The following SNTB1 variants were observed in gnomAD, a reference collection of about 807,000 sequenced individuals.
The protein encoded by SNTB1 is beta-1-syntrophin.
Under a neutral mutation model 48.9 loss-of-function variants are expected in SNTB1, and 36 were observed. That is an observed-to-expected ratio of 0.74 (90% CI 0.56 to 0.97). The LOEUF (loss-of-function observed/expected upper bound fraction) is 0.97. Among genes scored for constraint, SNTB1 ranks in the 50% least tolerant of loss-of-function variants. The probability of loss-of-function intolerance (pLI) is 0.00; values close to 1 mark genes in which losing one functional copy is unlikely to be tolerated. For synonymous variants in SNTB1, 299 were observed against 294.6 expected (o/e 1.01, Z -0.15); for missense variants, 786 against 703.4 (o/e 1.12, Z -1.33).
chr8:120,566,077 T>A (rs1030024053), intron 4 of SNTB1, among the ~76,000 whole-genome samples: 1 of 152,112 alleles, frequency 6.6e-6, no homozygotes, highest in Non-Finnish European at 1.5e-5. Flanking sequence ...CTGTGTTAAA[T>A]ACAAAATTAG....
At chr8:120,770,952 T>A (rs1587148622) in intron 1 of SNTB1, among the ~76,000 whole-genome samples, 1 of 152,180 alleles carries the variant, frequency 6.6e-6, no homozygotes, top group Non-Finnish European at 1.5e-5. Flanking sequence ...TGGGTAGAGG[T>A]GTGAAATAAT....
At chr8:120,561,115 G>A (rs368686794) in intron 4 of SNTB1, among the ~76,000 whole-genome samples, 6 of 151,998 alleles carry the variant, frequency 3.9e-5, no homozygotes, top group Non-Finnish European at 5.9e-5. Flanking sequence ...ATCACTTGAG[G>A]TCAGGAGTTC....
At chr8:120,572,396 C>A (rs1815870756) in intron 4 of SNTB1, among the ~76,000 whole-genome samples, 1 of 152,138 alleles carries the variant, frequency 6.6e-6, no homozygotes, top group South Asian at 2.1e-4. Flanking sequence ...CTTTATCATG[C>A]CTAGCTTGCA....
intron 1 of SNTB1, among the ~76,000 whole-genome samples, chr8:120,749,946 C>T (rs1205569714): frequency 1.3e-5 from 2 of 152,078 alleles, no homozygotes; most frequent in African/African-American, 4.8e-5. Flanking sequence ...AAAGTTTTTG[C>T]TTTATAAACC....
At chr8:120,810,810 G>A (rs906651746) in intron 1 of SNTB1, among the ~76,000 whole-genome samples, 2 of 152,040 alleles carry the variant, frequency 1.3e-5, no homozygotes, top group Non-Finnish European at 2.9e-5. Flanking sequence ...CTTTGGAGTG[G>A]GAAATTTTGC....
At chr8:120,662,033 T>A (rs960766905) in intron 2 of SNTB1, among the ~76,000 whole-genome samples, 3 of 152,330 alleles carry the variant, frequency 2.0e-5, no homozygotes, top group Admixed American at 6.5e-5. Flanking sequence ...TATTTCACTG[T>A]CAAGGTCTTT....
chr8:120,723,203 T>C (rs575760017), intron 1 of SNTB1, among the ~76,000 whole-genome samples: 3 of 152,314 alleles, frequency 2.0e-5, no homozygotes, highest in East Asian at 1.9e-4. Context: ...TCTGACTATA[T>C]TGCAGCAATG....
intron 1 of SNTB1, among the ~76,000 whole-genome samples, chr8:120,745,306 C>T (rs1819108555): frequency 6.6e-6 from 1 of 152,054 alleles, no homozygotes. Flanking sequence ...TCCCTGACAT[C>T]ATCCCCATCG....
rs192998529 is a variant in SNTB1, at chr8:120,610,362, C to T, written c.996+22082G>A. The stretch of plus-strand genomic sequence containing the variant: ...ACGTTGGCCAGTCTGGTCTCGAACT[C>T]CTGACCTCAGATCCTCCCGCCTCAG... On this transcript the variant is annotated intron_variant, in intron 3 of 6. Transcript: ENST00000517992. 4.9e-3 allele frequency among the ~76,000 whole-genome samples: 751 copies of T among 152,290 alleles called. 6 individuals are homozygous for T. Among genetic ancestry groups the T allele is most frequent in the African/African-American group, 0.017 (702 of 41,564 alleles).
At chr8:120,622,321 A>C (rs946070174) in intron 3 of SNTB1, among the ~76,000 whole-genome samples, 2 of 152,216 alleles carry the variant, frequency 1.3e-5, no homozygotes, top group African/African-American at 4.8e-5. Flanking sequence ...TTCTAACCCT[A>C]ATTATAAATA....
At chr8:120,673,434 G>C (rs1456995341) in intron 2 of SNTB1, among the ~76,000 whole-genome samples, 1 of 151,980 alleles carries the variant, frequency 6.6e-6, no homozygotes, top group Admixed American at 6.6e-5. Flanking sequence ...GGGATTACAA[G>C]CATGCATCAC....
At chr8:120,773,984 T>C (rs1254855606) in intron 1 of SNTB1, among the ~76,000 whole-genome samples, 1 of 152,226 alleles carries the variant, frequency 6.6e-6, no homozygotes, top group African/African-American at 2.4e-5. Context: ...CTTTGTTTAA[T>C]TCCCTCAATA....
chr8:120,654,924 C>T, intron 2 of SNTB1: 1 of 455,006 alleles, frequency 2.2e-6, no homozygotes, highest in Non-Finnish European at 4.4e-6. Context: ...TGAAACTAGT[C>T]AGGAGGATGA....
intron 2 of SNTB1, among the ~76,000 whole-genome samples, chr8:120,639,857 T>C (rs1325856050): frequency 6.6e-6 from 1 of 152,224 alleles, no homozygotes; most frequent in East Asian, 1.9e-4. Context: ...GACTTGGCAA[T>C]GTGGGCTCTT....
intron 3 of SNTB1, among the ~76,000 whole-genome samples, chr8:120,608,012 C>T (rs368346827): frequency 3.3e-5 from 5 of 152,320 alleles, no homozygotes; most frequent in African/African-American, 9.6e-5. Context: ...GGGGTTAGCA[C>T]TTATATTGCC....
intron 1 of SNTB1, among the ~76,000 whole-genome samples, chr8:120,797,546 C>CTTTTT (rs60374035): frequency 4.2e-4 from 29 of 69,090 alleles, no homozygotes; most frequent in Non-Finnish European, 5.4e-4. Context: ...ACTTGTTTCT[C>CTTTTT]TTTTTTTTTT....
At chr8:120,735,350 G>A (rs545764815) in intron 1 of SNTB1, among the ~76,000 whole-genome samples, 16 of 152,284 alleles carry the variant, frequency 1.1e-4, no homozygotes, top group African/African-American at 3.9e-4. Context: ...AAGGCATGAA[G>A]GGAGCAAGGT....
intron 3 of SNTB1, among the ~76,000 whole-genome samples, chr8:120,598,092 C>T (rs1172506226): frequency 2.0e-5 from 3 of 152,282 alleles, no homozygotes; most frequent in Admixed American, 2.0e-4. Flanking sequence ...ACTATGTGCA[C>T]ACAAGTCCAG....
In SNTB1 at chr8:120,580,602, A is replaced by G. The variant is rs1192922338; in HGVS notation, c.997-5377T>C. Among the ~76,000 whole-genome samples, 4 of 152,328 alleles carry G rather than the reference A, an allele frequency of 2.6e-5. No individual in the cohort carries two copies. The East Asian group carries it at 7.7e-4, about 29-fold the overall frequency. ...AAACGTTCACGAAGGAAGAAGGGCC[A>G]TCATGGCTTTTGTATTGCAGATCGT... On this transcript the variant is annotated intron_variant, in intron 3 of 6. Coordinates refer to ENST00000517992, the MANE Select transcript of SNTB1 (RefSeq NM_021021.4).
Sources: gnomAD v4.1 joint callset for allele counts (sites outside exome capture counted in the v4.1 genomes callset) on GRCh38, gnomAD v4.1.1 for gene constraint, MANE v1.5 for transcripts, NCBI Gene and HGNC (gene_info 2026-07-23, HGNC 2026-07-21) for gene names.